Variants in MOB3B observed in about 807,000 individuals in gnomAD.
The protein encoded by MOB3B is MOB kinase activator 3B.
In MOB3B, 7 loss-of-function variants were observed where a neutral mutation model predicts 18.7. The observed-to-expected ratio is 0.37, with a 90% CI of 0.21 to 0.70. The LOEUF (loss-of-function observed/expected upper bound fraction) is 0.70. Ranked by LOEUF, MOB3B falls within the 30% of genes least tolerant of loss-of-function variation. The probability of loss-of-function intolerance (pLI) is 0.52; values close to 1 mark genes in which losing one functional copy is unlikely to be tolerated. For synonymous variants in MOB3B, 111 were observed against 99.9 expected (o/e 1.11, Z -0.66); for missense variants, 253 against 281.3 (o/e 0.90, Z 0.72).
intron 2 of MOB3B, among the ~76,000 whole-genome samples, chr9:27,438,843 T>G (rs958653568): frequency 6.6e-6 from 1 of 152,066 alleles, no homozygotes; most frequent in Non-Finnish European, 1.5e-5. Flanking sequence ...CCCCAAAGTG[T>G]CAACTCCTTG....
chr9:27,431,370 C>T (rs944432229), intron 2 of MOB3B, among the ~76,000 whole-genome samples: 1 of 152,052 alleles, frequency 6.6e-6, no homozygotes, highest in African/African-American at 2.4e-5. Flanking sequence ...GAAAGGAGAG[C>T]CACGAAAAAA....
intron 3 of MOB3B, among the ~76,000 whole-genome samples, chr9:27,338,150 C>G (rs1268927640): frequency 6.6e-6 from 1 of 152,190 alleles, no homozygotes; most frequent in Non-Finnish European, 1.5e-5. Context: ...GCAAGGACTT[C>G]TGGATCTGCT....
chr9:27,519,415 C>A (rs955230920), intron 1 of MOB3B, among the ~76,000 whole-genome samples: 1 of 152,144 alleles, frequency 6.6e-6, no homozygotes, highest in Non-Finnish European at 1.5e-5. Context: ...TAGGATTCAA[C>A]CTCAAAGCAT....
At chr9:27,381,658 C>T (rs113434054) in intron 2 of MOB3B, among the ~76,000 whole-genome samples, 2,768 of 151,664 alleles carry the variant, frequency 0.018, 33 homozygotes, top group Middle Eastern at 0.034. Flanking sequence ...ACTTTTTTTT[C>T]GTTTAAGAGA....
At chr9:27,418,907 G>T (rs950748347) in intron 2 of MOB3B, among the ~76,000 whole-genome samples, 1 of 150,258 alleles carries the variant, frequency 6.7e-6, no homozygotes, top group Non-Finnish European at 1.5e-5. Flanking sequence ...AAACCCTAAG[G>T]ACTCCTCCAG....
intron 2 of MOB3B, among the ~76,000 whole-genome samples, chr9:27,370,508 C>CAAAA (rs761033781): frequency 1.2e-4 from 10 of 82,714 alleles, no homozygotes; most frequent in African/African-American, 4.1e-4. Context: ...AACTCCATCT[C>CAAAA]AGAAAAAAAA....
chr9:27,370,176 GA>G (rs1298915208), intron 2 of MOB3B, among the ~76,000 whole-genome samples: 4 of 152,120 alleles, frequency 2.6e-5, no homozygotes, highest in Non-Finnish European at 5.9e-5. Context: ...ATTAGGTCAT[GA>G]AGGCAGACAC....
At chr9:27,342,185 C>T (rs187733771) in intron 3 of MOB3B, among the ~76,000 whole-genome samples, 19 of 152,228 alleles carry the variant, frequency 1.2e-4, no homozygotes, top group South Asian at 2.1e-4. Flanking sequence ...GCTGACCTCG[C>T]GTCGCACCAT....
intron 1 of MOB3B, among the ~76,000 whole-genome samples, chr9:27,500,992 G>GA (rs1039897987): frequency 6.6e-5 from 10 of 150,668 alleles, no homozygotes; most frequent in South Asian, 2.1e-4. Context: ...ACAAACATAT[G>GA]AAAAAAAAAC....
At position 27,525,046 on chromosome 9, in the gene MOB3B, G is replaced by A. The variant is rs2131511083; in HGVS notation, c.-199+4509C>T. The A allele has an allele frequency of 2.5e-6, 3 of 1,191,290 alleles. No individual in the cohort carries two copies. The South Asian group carries it at 4.7e-5, about 19-fold the overall frequency. 73.8% of individuals were successfully genotyped at this position (1,191,290 alleles called of 1,614,324 possible). On this transcript the variant is annotated intron_variant, in intron 1 of 3. Coordinates refer to ENST00000262244, the MANE Select transcript of MOB3B (RefSeq NM_024761.5). ...CCAACTTCTTTTTAAGGATTGTTGT[G>A]CTGTCCTGTAAGCCTGTCCTCAGTT...
intron 1 of MOB3B, among the ~76,000 whole-genome samples, chr9:27,511,896 T>C (rs1820152011): frequency 6.6e-6 from 1 of 152,234 alleles, no homozygotes; most frequent in African/African-American, 2.4e-5. Context: ...TTCACCAAAC[T>C]ATTCCCTCTC....
chr9:27,349,641 T>TA (rs1445646990), intron 3 of MOB3B, among the ~76,000 whole-genome samples: 1 of 152,046 alleles, frequency 6.6e-6, no homozygotes, highest in Non-Finnish European at 1.5e-5. Context: ...CAGAGAACAT[T>TA]AAAAAAATAA....
intron 2 of MOB3B, among the ~76,000 whole-genome samples, chr9:27,437,705 C>A (rs1381145721): frequency 6.6e-6 from 1 of 152,184 alleles, no homozygotes; most frequent in African/African-American, 2.4e-5. Context: ...TATTTATGAG[C>A]AGTGAGCTAT....
At chr9:27,429,136 G>T (rs1300614498) in intron 2 of MOB3B, among the ~76,000 whole-genome samples, 1 of 152,176 alleles carries the variant, frequency 6.6e-6, no homozygotes, top group Non-Finnish European at 1.5e-5. Context: ...TAAAGGGAAA[G>T]GCCCAGAGTT....
chr9:27,392,037 A>G (rs1290100899), intron 2 of MOB3B, among the ~76,000 whole-genome samples: 3 of 152,206 alleles, frequency 2.0e-5, no homozygotes, highest in Admixed American at 1.3e-4. Flanking sequence ...ATGCCTTTCT[A>G]TAAGAGTTCC....
chr9:27,449,286 G>A (rs780561446), intron 2 of MOB3B, among the ~76,000 whole-genome samples: 13 of 152,132 alleles, frequency 8.5e-5, no homozygotes, highest in Non-Finnish European at 1.3e-4. Flanking sequence ...CTGAGGATAC[G>A]GTTCAAAAAT....
At chr9:27,496,691 A>C (rs570130006) in intron 1 of MOB3B, among the ~76,000 whole-genome samples, 1 of 152,344 alleles carries the variant, frequency 6.6e-6, no homozygotes, top group Admixed American at 6.5e-5. Context: ...AGTCAGCCTA[A>C]GCAGTCCAAC....
intron 2 of MOB3B, among the ~76,000 whole-genome samples, chr9:27,376,600 A>T (rs1162620112): frequency 6.6e-6 from 1 of 152,232 alleles, no homozygotes; most frequent in Non-Finnish European, 1.5e-5. Context: ...GAACATAAAA[A>T]AATAGAATGG....
chr9:27,501,863 G>A (rs1311117479), intron 1 of MOB3B, among the ~76,000 whole-genome samples: 3 of 151,946 alleles, frequency 2.0e-5, no homozygotes, highest in African/African-American at 7.3e-5. Context: ...AAACTGTTAG[G>A]GTAGACTTTT....
Sources: gnomAD v4.1 joint callset for allele counts (sites outside exome capture counted in the v4.1 genomes callset) on GRCh38, gnomAD v4.1.1 for gene constraint, MANE v1.5 for transcripts, NCBI Gene and HGNC (gene_info 2026-07-23, HGNC 2026-07-21) for gene names.